Variants in ATP9A observed in about 807,000 individuals in gnomAD.
ATP9A encodes the protein ATPase phospholipid transporting 9A, also known as probable phospholipid-transporting ATPase IIA.
In ATP9A, 52 loss-of-function variants were observed where a neutral mutation model predicts 144.1. The observed-to-expected ratio is 0.36, with a 90% CI of 0.29 to 0.45. ATP9A has a LOEUF of 0.45. Ranked by LOEUF, ATP9A falls within the 20% of genes least tolerant of loss-of-function variation. ATP9A has a pLI of 1.00. For synonymous variants in ATP9A, 582 were observed against 557.4 expected (o/e 1.04, Z -0.62); for missense variants, 947 against 1,392.7 (o/e 0.68, Z 5.09).
intron 7 of ATP9A, among the ~76,000 whole-genome samples, chr20:51,691,056 T>C (rs988992715): frequency 7.9e-5 from 12 of 152,172 alleles, no homozygotes; most frequent in African/African-American, 2.9e-4. Context: ...CGTTTCTCTG[T>C]TTACTCAGCC....
rs35997419 is a variant in ATP9A at position 51,600,807 on chromosome 20, AAC to A, written c.*402_*403del. 0.1 allele frequency: 12,465 copies of A among 120,294 alleles called. 677 individuals are homozygous for A. Among genetic ancestry groups the A allele is most frequent in the African/African-American group, 0.18 (6,556 of 37,242 alleles). 7.5% of individuals were successfully genotyped at this position (120,294 alleles called of 1,614,324 possible). A position where few individuals can be genotyped will look rare whatever the true frequency, so the allele number is the denominator to read the frequency against. ...TACATACACATTAGGACTCTTTAAA[AAC>A]ACACACACACACACACACACACACA... On this transcript the variant is annotated 3_prime_UTR_variant, in exon 28 of 28. Transcript: ENST00000338821.
At chr20:51,705,652 A>C (rs2077611728) in intron 4 of ATP9A, among the ~76,000 whole-genome samples, 1 of 152,204 alleles carries the variant, frequency 6.6e-6, no homozygotes, top group Admixed American at 6.5e-5. Context: ...CTGGGAAAGC[A>C]TTCCTGGTAT....
chr20:51,703,926 C>T (rs1233262728), intron 4 of ATP9A, among the ~76,000 whole-genome samples: 4 of 152,132 alleles, frequency 2.6e-5, no homozygotes, highest in African/African-American at 4.8e-5. Flanking sequence ...TTAACTCACA[C>T]TCTAATCTAA....
chr20:51,737,355 C>G (rs1298810608), intron 1 of ATP9A, among the ~76,000 whole-genome samples: 1 of 152,226 alleles, frequency 6.6e-6, no homozygotes, highest in African/African-American at 2.4e-5. Flanking sequence ...TACTCCCTCT[C>G]AGTGCCAACA....
At chr20:51,701,214 G>A (rs758773235) in intron 4 of ATP9A, among the ~76,000 whole-genome samples, 3 of 152,180 alleles carry the variant, frequency 2.0e-5, no homozygotes, top group Admixed American at 6.5e-5. Context: ...TCATAGAAGA[G>A]CATGTGTTTT....
intron 16 of ATP9A, among the ~76,000 whole-genome samples, 169 bp from the exon 17 acceptor site, chr20:51,627,852 G>C (rs1393935381): frequency 6.6e-6 from 1 of 151,912 alleles, no homozygotes; most frequent in Non-Finnish European, 1.5e-5. Context: ...CTTTCTATAG[G>C]GGAAGTTGCA....
At chr20:51,747,171 C>A (rs370424077) in intron 1 of ATP9A, among the ~76,000 whole-genome samples, 1 of 146,974 alleles carries the variant, frequency 6.8e-6, no homozygotes. Flanking sequence ...AAGAAAGAAG[C>A]GAAGTCTGAA....
At position 51,606,930 on chromosome 20, in the gene ATP9A, A is replaced by G. The variant is rs1387711322; in HGVS notation, c.2803+597T>C. Among the ~76,000 whole-genome samples the G allele has an allele frequency of 5.3e-5, 8 of 150,628 alleles. No individual in the cohort carries two copies. In the East Asian group the frequency reaches 9.7e-4, roughly 18 times the overall value. On this transcript the variant is annotated intron_variant, in intron 26 of 27. Coordinates refer to ENST00000338821, the MANE Select transcript of ATP9A (RefSeq NM_006045.3). ...ATTATATAAAATATATTTTATAAGT[A>G]TATAAAATCTATTATGTGCACTACA...
At chr20:51,768,166 C>T in intron 1 of ATP9A, 136 bp downstream of exon 1, 2 of 419,066 alleles carry the variant, frequency 4.8e-6, no homozygotes, top group Non-Finnish European at 7.1e-6. Context: ...CCCACCTCCC[C>T]GCCTCCCCAG....
intron 1 of ATP9A, among the ~76,000 whole-genome samples, chr20:51,736,306 T>G (rs866760851): frequency 6.6e-6 from 1 of 152,178 alleles, no homozygotes; most frequent in African/African-American, 2.4e-5. Context: ...TAGATGTTAC[T>G]CCATACACAG....
chr20:51,690,746 A>C lies in ATP9A; in HGVS notation c.716T>G (p.Phe239Cys). The change falls in exon 8 of 28, where the codon TTT becomes TGT. Residue 239 changes from phenylalanine to cysteine, a missense_variant. Transcript: ENST00000338821. ...TGAAGGAAGCTCACTTACTCGGGTAAAAGTTCCCACGAAGTTGTGAATGTC... is the reference window on the plus strand; with the variant it reads ...TGAAGGAAGCTCACTTACTCGGGTACAAGTTCCCACGAAGTTGTGAATGTC... ...NIDIHNFVGT[F>C]TREDSDPPIS... The C allele has an allele frequency of 6.2e-7, 1 of 1,613,912 alleles. No homozygotes were observed. The highest frequency in any genetic ancestry group is 8.5e-7 in the Non-Finnish European group (1 of 1,179,788).
rs1219065743 is a variant in ATP9A, at chr20:51,657,168, G to A, written c.1294-18C>T. On this transcript the variant is annotated intron_variant, in intron 13 of 27. Coordinates refer to ENST00000338821, the MANE Select transcript of ATP9A (RefSeq NM_006045.3). ...TGGGATTGCTACAGGAAGGAGAAAT[G>A]AACAAGGAAGATGACCAGAGGCAGG... 16 of 1,594,558 alleles carry A rather than the reference G, an allele frequency of 1.0e-5. No individual in the cohort carries two copies. Among genetic ancestry groups the A allele is most frequent in the Non-Finnish European group, 1.4e-5 (16 of 1,163,128 alleles).
rs567057292 is a variant in ATP9A, at chr20:51,598,776, T to C, written c.*2435A>G. On this transcript the variant is annotated 3_prime_UTR_variant, in exon 28 of 28. Coordinates refer to ENST00000338821, the MANE Select transcript of ATP9A (RefSeq NM_006045.3). ...CTGAGAAGCACGGTGTGTGCATTCC[T>C]AGGTGTTCAGGGACCGTCCAGTGAA... 6.6e-6 allele frequency: 1 copy of C among 152,430 alleles called. No homozygotes were observed. The highest frequency in any genetic ancestry group is 2.4e-5 in the African/African-American group (1 of 41,600). 9.4% of individuals were successfully genotyped at this position (152,430 alleles called of 1,614,324 possible).
intron 17 of ATP9A, 140 bp from the exon 18 acceptor site, chr20:51,625,502 G>A (rs2077244645): frequency 1.1e-6 from 1 of 946,278 alleles, no homozygotes. Flanking sequence ...GGACCCCACA[G>A]GGGTGACATA....
At chr20:51,633,272 T>TAA (rs10668668) in intron 15 of ATP9A, among the ~76,000 whole-genome samples, 45,480 of 152,084 alleles carry the variant, frequency 0.3, 7,081 homozygotes, top group Non-Finnish European at 0.34. Context: ...ATTTTAATAA[T>TAA]ACGAAAAAAT....
At chr20:51,696,332 GA>G (rs1036469157) in intron 5 of ATP9A, among the ~76,000 whole-genome samples, 188 bp from the exon 6 acceptor site, 6 of 152,164 alleles carry the variant, frequency 3.9e-5, no homozygotes, top group African/African-American at 1.4e-4. Flanking sequence ...TTTTGAATCT[GA>G]AAAATCTTGC....
chr20:51,688,837 G>A (rs1221342239), intron 9 of ATP9A, among the ~76,000 whole-genome samples: 1 of 152,062 alleles, frequency 6.6e-6, no homozygotes, highest in East Asian at 1.9e-4. Context: ...CTGCCAGCAT[G>A]GACGCTGCAG....
intron 18 of ATP9A, among the ~76,000 whole-genome samples, chr20:51,623,976 A>C (rs1416883918): frequency 6.6e-6 from 1 of 152,164 alleles, no homozygotes; most frequent in Non-Finnish European, 1.5e-5. Flanking sequence ...GTCTTGGGCT[A>C]ACATAGTTTT....
chr20:51,747,007 A>G lies in ATP9A; in HGVS notation c.69-17029T>C, dbSNP rs141281884. ...GGCAACAGAGCGAGACTCCGTCTCA[A>G]AAAAAAGAGAAAAGAAAAAGGAGTG... On this transcript the variant is annotated intron_variant, in intron 1 of 27. Transcript: ENST00000338821. Among the ~76,000 whole-genome samples the G allele has an allele frequency of 5.6e-3, 857 of 152,318 alleles. 13 individuals are homozygous for G. The highest frequency in any genetic ancestry group is 0.019 in the African/African-American group (808 of 41,578).
Sources: allele counts gnomAD v4.1 joint callset (sites outside exome capture counted in the v4.1 genomes callset), GRCh38; gene constraint gnomAD v4.1.1; transcripts MANE v1.5; gene names NCBI Gene and HGNC (gene_info 2026-07-23, HGNC 2026-07-21).